The following PRKCQ variants were observed in gnomAD, a reference collection of about 807,000 sequenced individuals.
PRKCQ encodes protein kinase C theta, also known as protein kinase C theta type.
In PRKCQ, 41 loss-of-function variants were observed where a neutral mutation model predicts 91.2. The observed-to-expected ratio is 0.45, with a 90% CI of 0.35 to 0.58. PRKCQ has a LOEUF of 0.58. Among genes scored for constraint, PRKCQ ranks in the 20% least tolerant of loss-of-function variants. The pLI, the probability that PRKCQ is intolerant of heterozygous loss-of-function variation, is 0.00. For synonymous variants in PRKCQ, 307 were observed against 316.9 expected, an observed-to-expected ratio of 0.97 and a Z score of 0.33; for missense variants, 673 against 896.5, an observed-to-expected ratio of 0.75 and a Z score of 3.18.
At chr10:6,419,877 C>T in the PRKCQ span, among the ~76,000 whole-genome samples, 47 of 151,774 alleles carry the variant, frequency 3.1e-4, no homozygotes, top group African/African-American at 1.1e-3. Flanking sequence ...TTAGTAGAGA[C>T]GGGGTTTCGC....
chr10:6,432,555 A>G (rs1396165905), intron 16 of PRKCQ, among the ~76,000 whole-genome samples: 1 of 152,168 alleles, frequency 6.6e-6, no homozygotes, highest in Non-Finnish European at 1.5e-5. Context: ...AAAGTACCCA[A>G]TTAGAAAGCC....
chr10:6,485,948 G>C, intron 9 of PRKCQ, 87 bp downstream of exon 9: 2 of 1,185,742 alleles, frequency 1.7e-6, no homozygotes, highest in Admixed American at 3.6e-5. Context: ...ATTTCCCATA[G>C]GGCTGCCACA....
intron 1 of PRKCQ, among the ~76,000 whole-genome samples, chr10:6,552,338 A>T (rs1460429901): frequency 6.6e-6 from 1 of 152,220 alleles, no homozygotes; most frequent in Non-Finnish European, 1.5e-5. Context: ...AACACAATAT[A>T]AATCACTGTT....
Position 6,485,205 on chromosome 10 carries a change from C to T in PRKCQ, c.965G>A (p.Cys322Tyr). The change falls in exon 10 of 18, where the codon TGC (cysteine) becomes TAC (tyrosine). Residue 322 changes from cysteine to tyrosine, a missense_variant. Cys to Tyr is a radical substitution (Grantham distance 194). Transcript: ENST00000263125. Reference sequence around the variant, plus strand: ...CGGCCTTGCTTCATTTTTGATGGAGCATGGGAGACCAATTTCAACCGGACC... The same window carrying T: ...CGGCCTTGCTTCATTTTTGATGGAGTATGGGAGACCAATTTCAACCGGACC... Reference protein sequence around the residue: ...REGPVEIGLPCSIKNEARPPC... With the variant: ...REGPVEIGLPYSIKNEARPPC... 6.2e-7 allele frequency: 1 copy of T among 1,614,060 alleles called. No individual in the cohort carries two copies. Among genetic ancestry groups the T allele is most frequent in the Non-Finnish European group, 8.5e-7 (1 of 1,179,990 alleles).
chr10:6,438,868 G>C (rs2132251091), intron 16 of PRKCQ, among the ~76,000 whole-genome samples: 1 of 152,286 alleles, frequency 6.6e-6, no homozygotes, highest in Non-Finnish European at 1.5e-5. Flanking sequence ...AAAGGGCGAG[G>C]GTTCCAGGCA....
At chr10:6,403,848 A>G in the PRKCQ span, among the ~76,000 whole-genome samples, 2 of 152,182 alleles carry the variant, frequency 1.3e-5, no homozygotes, top group Admixed American at 1.3e-4. Flanking sequence ...AAAAAAATGA[A>G]TGAGTAATCA....
the PRKCQ span, among the ~76,000 whole-genome samples, chr10:6,415,727 T>A: frequency 8.0e-6 from 1 of 124,672 alleles, no homozygotes; most frequent in African/African-American, 2.7e-5. Flanking sequence ...TTGCTGCTAA[T>A]GTTTCTCTCT....
In PRKCQ at chr10:6,464,430, C is replaced by A. The variant is rs908884602; in HGVS notation, c.1354-26G>T. On this transcript the variant is annotated intron_variant, in intron 12 of 17. Transcript: ENST00000263125. ...CTGTGGAAAAACAAAACAATTCCAA[C>A]TTTTATTTCATTTCATTTTTATTTA... 4 of 1,520,914 alleles carry A rather than the reference C, an allele frequency of 2.6e-6. No individual in the cohort carries two copies. The African/African-American group carries it at 4.2e-5, about 16-fold the overall frequency. 94.2% of individuals were successfully genotyped at this position (1,520,914 alleles called of 1,614,324 possible).
Position 6,571,052 on chromosome 10 carries a change from C to T in PRKCQ, c.-10+9159G>A, listed in dbSNP as rs562813573. On this transcript the variant is annotated intron_variant, in intron 1 of 17. Coordinates refer to ENST00000263125, the MANE Select transcript of PRKCQ (RefSeq NM_006257.5). ...GGAGGCAGGAGCAGCTGTGGAGAAG[C>T]TGCCGTGGGAAGGAAGATCATTGGC... Among the ~76,000 whole-genome samples the T allele has an allele frequency of 2.2e-4, 34 of 152,136 alleles. No homozygotes were observed. In the South Asian group the frequency reaches 7.1e-3, roughly 32 times the overall value.
intron 1 of PRKCQ, among the ~76,000 whole-genome samples, chr10:6,573,651 A>C (rs571236260): frequency 6.6e-6 from 1 of 152,250 alleles, no homozygotes; most frequent in African/African-American, 2.4e-5. Context: ...ATTCTTGCCC[A>C]CAGGGAAAAA....
intron 1 of PRKCQ, among the ~76,000 whole-genome samples, chr10:6,579,649 C>CT (rs5782914): frequency 5.3e-5 from 7 of 132,036 alleles, no homozygotes; most frequent in African/African-American, 1.6e-4. Flanking sequence ...GCAGATTTTT[C>CT]TTTTTTTTTT....
At chr10:6,575,882 A>G (rs1841211780) in intron 1 of PRKCQ, among the ~76,000 whole-genome samples, 2 of 152,174 alleles carry the variant, frequency 1.3e-5, no homozygotes, top group Admixed American at 6.5e-5. Flanking sequence ...TCTACTAAAA[A>G]TACAAAAGTT....
At chr10:6,513,330 T>C (rs1462455700) in intron 2 of PRKCQ, among the ~76,000 whole-genome samples, 1 of 151,712 alleles carries the variant, frequency 6.6e-6, no homozygotes, top group Non-Finnish European at 1.5e-5. Context: ...AGCAAAAATC[T>C]CTAAACTCCC....
rs950288214 is a variant in PRKCQ, at chr10:6,483,751, C to T, written c.1019-151G>A. 5.9e-6 allele frequency: 5 copies of T among 850,582 alleles called. No individual in the cohort carries two copies. The African/African-American group carries it at 6.9e-5, about 12-fold the overall frequency. 52.7% of individuals were successfully genotyped at this position (850,582 alleles called of 1,614,324 possible). ...AGAGGGTTTCCTACAGTTCAGGCAG[C>T]TTTAATACCTTTCCATCTGTCTGTG... is the stretch of plus-strand genomic sequence containing the variant. On this transcript the variant is annotated intron_variant, in intron 10 of 17. Coordinates refer to ENST00000263125, the MANE Select transcript of PRKCQ (RefSeq NM_006257.5).
intron 4 of PRKCQ, among the ~76,000 whole-genome samples, chr10:6,507,133 A>G (rs1037939755): frequency 3.3e-5 from 5 of 152,228 alleles, no homozygotes; most frequent in African/African-American, 9.6e-5. Context: ...CCACACATCA[A>G]CAGTCTTTTG....
chr10:6,455,289 A>G (rs1292290272), intron 15 of PRKCQ, among the ~76,000 whole-genome samples: 1 of 152,234 alleles, frequency 6.6e-6, no homozygotes, highest in Non-Finnish European at 1.5e-5. Flanking sequence ...ATCTGTGCCA[A>G]ACTGAATGAA....
intron 10 of PRKCQ, 92 bp downstream of exon 10, chr10:6,485,060 G>C: frequency 8.9e-7 from 1 of 1,125,720 alleles, no homozygotes. Flanking sequence ...TATCAGACCA[G>C]GTAAGCTGAT....
At chr10:6,518,157 A>G (rs1360069727) in intron 1 of PRKCQ, among the ~76,000 whole-genome samples, 1 of 152,242 alleles carries the variant, frequency 6.6e-6, no homozygotes, top group East Asian at 1.9e-4. Context: ...AACTACACCA[A>G]GCCAAAAGTC....
At chr10:6,487,253 G>A (rs141575105) in intron 8 of PRKCQ, among the ~76,000 whole-genome samples, 24 of 152,278 alleles carry the variant, frequency 1.6e-4, no homozygotes, top group African/African-American at 5.3e-4. Flanking sequence ...ATGAACTGAT[G>A]GCGTAAATTG....
Sources: allele counts gnomAD v4.1 joint callset (sites outside exome capture counted in the v4.1 genomes callset), GRCh38; gene constraint gnomAD v4.1.1; transcripts MANE v1.5; gene names NCBI Gene and HGNC (gene_info 2026-07-23, HGNC 2026-07-21).